The following EVL variants were observed in gnomAD, a reference collection of about 807,000 sequenced individuals.
EVL encodes the protein Enah/Vasp-like.
A neutral mutation model predicts 59.6 loss-of-function variants in EVL; 21 were observed. That is an observed-to-expected ratio of 0.35 (90% CI 0.25 to 0.51). EVL has a LOEUF of 0.51. EVL is among the 20% of genes least tolerant of loss of function. The probability of loss-of-function intolerance (pLI) is 0.97; values close to 1 mark genes in which losing one functional copy is unlikely to be tolerated. For synonymous variants in EVL, 198 were observed against 203.5 expected, an observed-to-expected ratio of 0.97 and a Z score of 0.23; for missense variants, 462 against 546.6, an observed-to-expected ratio of 0.85 and a Z score of 1.54.
chr14:100,110,802 C>T (rs1886924128), intron 3 of EVL, among the ~76,000 whole-genome samples: 1 of 152,204 alleles, frequency 6.6e-6, no homozygotes, highest in Admixed American at 6.5e-5. Flanking sequence ...CCACCAGTCC[C>T]AGGATTATCT....
chr14:100,116,349 C>T (rs967557060), intron 3 of EVL, among the ~76,000 whole-genome samples: 4 of 152,166 alleles, frequency 2.6e-5, no homozygotes, highest in Non-Finnish European at 4.4e-5. Context: ...GAAATTCCAT[C>T]AAGCATCACT....
intron 3 of EVL, 86 bp downstream of exon 3, chr14:100,097,744 C>A: frequency 7.7e-7 from 1 of 1,292,628 alleles, no homozygotes. Context: ...TCCGGGTATC[C>A]TAGCACTGTC....
chr14:99,993,020 AT>A (rs2060885446), intron 1 of EVL, among the ~76,000 whole-genome samples: 1 of 148,250 alleles, frequency 6.7e-6, no homozygotes, highest in South Asian at 2.1e-4. Flanking sequence ...ATGTTGAGCC[AT>A]TCTTGCATTC....
intron 1 of EVL, among the ~76,000 whole-genome samples, chr14:100,030,087 A>G (rs2061286932): frequency 6.7e-6 from 1 of 149,196 alleles, no homozygotes; most frequent in African/African-American, 2.5e-5. Context: ...TAATTAAATG[A>G]GATTACCTTT....
At chr14:100,141,134 C>T (rs369835034) in intron 11 of EVL, 46 bp from the exon 12 acceptor site, 12 of 1,599,450 alleles carry the variant, frequency 7.5e-6, no homozygotes, top group Non-Finnish European at 1.0e-5. Flanking sequence ...AGCTTTCCCC[C>T]ACACCTGTCT....
At chr14:100,098,390 G>C (rs914018299) in intron 3 of EVL, among the ~76,000 whole-genome samples, 18 of 152,208 alleles carry the variant, frequency 1.2e-4, no homozygotes, top group Non-Finnish European at 1.8e-4. Flanking sequence ...GTGCTGGGAA[G>C]AGGGCGATGC....
chr14:100,005,630 TACAC>T (rs35844160), intron 1 of EVL, among the ~76,000 whole-genome samples: 20,392 of 143,584 alleles, frequency 0.14, 1,388 homozygotes, highest in African/African-American at 0.18. Flanking sequence ...GCCTTTTAAA[TACAC>T]ACACACACAC....
chr14:100,047,118 CTTTT>C (rs869205625), intron 1 of EVL, among the ~76,000 whole-genome samples: 38 of 23,904 alleles, frequency 1.6e-3, no homozygotes, highest in African/African-American at 4.9e-3. Flanking sequence ...ATCTCTCTCT[CTTTT>C]TTTTTTTTTT....
At chr14:99,983,869 G>C (rs975750978) in intron 1 of EVL, among the ~76,000 whole-genome samples, 1 of 152,034 alleles carries the variant, frequency 6.6e-6, no homozygotes, top group African/African-American at 2.4e-5. Context: ...TTACCTTTGT[G>C]ATATCCCATA....
chr14:100,038,271 T>C (rs2061416200), intron 1 of EVL, among the ~76,000 whole-genome samples: 1 of 152,220 alleles, frequency 6.6e-6, no homozygotes, highest in East Asian at 1.9e-4. Flanking sequence ...GTGGACAGAA[T>C]TGCTAAGCAT....
rs557370176 is a variant in EVL, at chr14:100,141,962, G to A, written c.1219+169G>A. 1.6e-4 allele frequency: 85 copies of A among 547,926 alleles called. 1 individual carries two copies. The highest frequency in any genetic ancestry group is 2.5e-4 in the Non-Finnish European group (80 of 321,042). 33.9% of individuals were successfully genotyped at this position (547,926 alleles called of 1,614,324 possible). A position where few individuals can be genotyped will look rare whatever the true frequency, so the allele number is the denominator to read the frequency against. On this transcript the variant is annotated intron_variant, in intron 13 of 13. Transcript: ENST00000392920. Reference sequence around the variant, plus strand: ...TAGTTGAGGAAACAGGCTCAGGAAAGCTGAAAGCTAAGTGGCTTGCCTAAG... The same window carrying A: ...TAGTTGAGGAAACAGGCTCAGGAAAACTGAAAGCTAAGTGGCTTGCCTAAG...
chr14:100,090,979 T>C (rs192502983), intron 2 of EVL, among the ~76,000 whole-genome samples: 1 of 152,120 alleles, frequency 6.6e-6, no homozygotes, highest in African/African-American at 2.4e-5. Flanking sequence ...AGCTACAAAC[T>C]ATTATAGTAA....
At chr14:100,097,737 G>A (rs529948281) in intron 3 of EVL, 79 bp downstream of exon 3, 86 of 1,373,802 alleles carry the variant, frequency 6.3e-5, no homozygotes, top group Middle Eastern at 2.2e-4. Context: ...CTGGCTCTCC[G>A]GGTATCCTAG....
chr14:100,076,321 C>G (rs1029649024), intron 1 of EVL, among the ~76,000 whole-genome samples: 2 of 151,304 alleles, frequency 1.3e-5, no homozygotes, highest in African/African-American at 2.4e-5. Flanking sequence ...AAGGGAAGTT[C>G]CCTGGGACCA....
intron 1 of EVL, among the ~76,000 whole-genome samples, chr14:100,036,582 CA>C (rs2061392574): frequency 2.0e-5 from 3 of 151,982 alleles, no homozygotes; most frequent in Non-Finnish European, 2.9e-5. Flanking sequence ...ATATAAACAA[CA>C]AATTTCATTG....
At chr14:100,018,446 CTT>C (rs2061069881) in intron 1 of EVL, among the ~76,000 whole-genome samples, 1 of 152,222 alleles carries the variant, frequency 6.6e-6, no homozygotes. Flanking sequence ...GCGTGAAAGA[CTT>C]TATTTCTTGA....
intron 4 of EVL, among the ~76,000 whole-genome samples, 171 bp downstream of exon 4, chr14:100,123,773 T>C (rs1422917965): frequency 6.6e-6 from 1 of 152,194 alleles, no homozygotes; most frequent in African/African-American, 2.4e-5. Context: ...AGGGGGCCGA[T>C]GCGCAGCCGC....
chr14:99,977,124 A>G (rs2060775743), intron 1 of EVL: 1 of 152,050 alleles, frequency 6.6e-6, no homozygotes, highest in Non-Finnish European at 1.5e-5. Context: ...AGTGACACCT[A>G]TTTTCTTGTG....
chr14:100,103,971 T>C (rs1886398290), intron 3 of EVL, among the ~76,000 whole-genome samples: 1 of 152,132 alleles, frequency 6.6e-6, no homozygotes, highest in Admixed American at 6.5e-5. Context: ...TGTGAGCGTG[T>C]GTGTGTGCAT....
Sources: allele counts gnomAD v4.1 joint callset (sites outside exome capture counted in the v4.1 genomes callset), GRCh38; gene constraint gnomAD v4.1.1; transcripts MANE v1.5; gene names NCBI Gene and HGNC (gene_info 2026-07-23, HGNC 2026-07-21).